Variants in PSAP observed in about 807,000 individuals in gnomAD.
The protein encoded by PSAP is precursor of saposins.
A neutral mutation model predicts 66.0 loss-of-function variants in PSAP; 25 were observed. The observed-to-expected ratio is 0.38, with a 90% CI of 0.28 to 0.53. The LOEUF (loss-of-function observed/expected upper bound fraction) is 0.53. PSAP is among the 20% of genes least tolerant of loss of function. The pLI, the probability that PSAP is intolerant of heterozygous loss-of-function variation, is 0.83. For synonymous variants in PSAP, 273 were observed against 258.9 expected, an observed-to-expected ratio of 1.05 and a Z score of -0.52; for missense variants, 649 against 668.8, an observed-to-expected ratio of 0.97 and a Z score of 0.33.
rs1564815549 is a variant in PSAP at position 71,819,884 on chromosome 10, G to A, written c.1022C>T (p.Ala341Val). The stretch of plus-strand genomic sequence containing the variant: ...CAGCTTCGAGCACATTTTGTCAAAA[G>A]CGTCGAGTATTTCTTTCTGAAACAC... Reference protein sequence around the residue: ...NNKTEKEILDAFDKMCSKLPK... With the variant: ...NNKTEKEILDVFDKMCSKLPK... The change falls in exon 10 of 14, where the codon GCT (alanine) becomes GTT (valine). Residue 341 changes from alanine (A) to valine (V), a missense_variant. Coordinates refer to ENST00000394936, the MANE Select transcript of PSAP (RefSeq NM_002778.4). The A allele has an allele frequency of 1.2e-6, 2 of 1,614,166 alleles. No homozygotes were observed. Among genetic ancestry groups the A allele is most frequent in the East Asian group, 4.5e-5 (2 of 44,882 alleles).
intron 2 of PSAP, 26 bp downstream of exon 2, chr10:71,834,346 T>C: frequency 6.2e-7 from 1 of 1,613,006 alleles, no homozygotes; most frequent in Non-Finnish European, 8.5e-7. Context: ...GTGCTGCGGC[T>C]GGGACTGGAG....
intron 8 of PSAP, 53 bp from the exon 9 acceptor site, chr10:71,820,388 G>A (rs1478791147): frequency 4.7e-6 from 7 of 1,487,100 alleles, no homozygotes; most frequent in African/African-American, 1.4e-5. Flanking sequence ...CACAGCCCTT[G>A]GTCTTGCTCC....
At chr10:71,850,988 C>A (rs1842917192) in intron 1 of PSAP, among the ~76,000 whole-genome samples, 194 bp downstream of exon 1, 2 of 152,246 alleles carry the variant, frequency 1.3e-5, no homozygotes, top group African/African-American at 2.4e-5. Context: ...GGGGCATTTT[C>A]GCAGCCCGCC....
intron 5 of PSAP, among the ~76,000 whole-genome samples, chr10:71,828,656 A>T (rs570121733): frequency 6.6e-6 from 1 of 152,054 alleles, no homozygotes; most frequent in African/African-American, 2.4e-5. Flanking sequence ...AAAATAAAAG[A>T]AGTAAATTTT....
At chr10:71,831,382 G>T in intron 3 of PSAP, 131 bp from the exon 4 acceptor site, 1 of 1,214,084 alleles carries the variant, frequency 8.2e-7, no homozygotes. Flanking sequence ...CAGGGAAAAG[G>T]ACTTGGCCAT....
rs768629606 is a variant in PSAP at position 71,819,694 on chromosome 10, G to A, written c.1192+20C>T. 1.1e-5 allele frequency: 17 copies of A among 1,613,818 alleles called. No individual in the cohort carries two copies. The highest frequency in any genetic ancestry group is 1.7e-5 in the Admixed American group (1 of 60,002). On this transcript the variant is annotated intron_variant, in intron 10 of 13. Coordinates refer to ENST00000394936, the MANE Select transcript of PSAP (RefSeq NM_002778.4). Reference sequence around the variant, plus strand: ...CCCAAGAGGGGCACCATCCTCTCCCGCACCACACCCAGCGCTCACCGGTCA... The same window carrying A: ...CCCAAGAGGGGCACCATCCTCTCCCACACCACACCCAGCGCTCACCGGTCA...
intron 1 of PSAP, among the ~76,000 whole-genome samples, chr10:71,848,524 C>T (rs192941286): frequency 1.6e-4 from 25 of 152,190 alleles, no homozygotes; most frequent in Admixed American, 2.6e-4. Context: ...GCTTTGCTTT[C>T]GCTTTTAGGT....
intron 1 of PSAP, among the ~76,000 whole-genome samples, chr10:71,839,001 C>G (rs1298287537): frequency 1.3e-5 from 2 of 152,186 alleles, no homozygotes; most frequent in Non-Finnish European, 2.9e-5. Flanking sequence ...TGAGTTATTT[C>G]TCAAAACATG....
At position 71,819,594 on chromosome 10, in the gene PSAP, GCCA is replaced by G. The variant is rs1010069019; in HGVS notation, c.1218_1220del (p.Gly407del). The G allele has an allele frequency of 4.3e-6, 7 of 1,614,110 alleles. No individual in the cohort carries two copies. In the African/African-American group the frequency reaches 9.3e-5, roughly 22 times the overall value. On this transcript the variant is annotated inframe_deletion, in exon 11 of 14. Coordinates refer to ENST00000394936, the MANE Select transcript of PSAP (RefSeq NM_002778.4). ...CCAGCTTCTTGCACACTTCGCAGAA[GCCA>G]CCGTCCTTTGGCTGAGTCACGTGAA...
At position 71,820,096 on chromosome 10, in the gene PSAP, G is replaced by A; in HGVS notation, c.1005+144C>T. 4 of 913,508 alleles carry A rather than the reference G, an allele frequency of 4.4e-6. No homozygotes were observed. The South Asian group carries it at 5.4e-5, about 12-fold the overall frequency. The allele number at this position is 913,508 out of a possible 1,614,324, so 56.6% of individuals were successfully genotyped here. ...CCGCCAGCCTAGAGGTCCCACTGGT[G>A]AGGATTGCCTTCCACGAGATGGGGA... On this transcript the variant is annotated intron_variant, in intron 9 of 13. Transcript: ENST00000394936.
chr10:71,830,224 T>C (rs1274125865), intron 4 of PSAP, among the ~76,000 whole-genome samples: 1 of 152,124 alleles, frequency 6.6e-6, no homozygotes, highest in Non-Finnish European at 1.5e-5. Context: ...TTTTAGCAAA[T>C]AACTCCACCT....
intron 1 of PSAP, among the ~76,000 whole-genome samples, chr10:71,842,810 T>C (rs1414327216): frequency 2.0e-5 from 3 of 152,192 alleles, no homozygotes; most frequent in Non-Finnish European, 2.9e-5. Context: ...AAGTCACTCT[T>C]AATTTCATAA....
intron 2 of PSAP, among the ~76,000 whole-genome samples, chr10:71,834,048 G>T (rs2133052371): frequency 6.6e-6 from 1 of 152,318 alleles, no homozygotes; most frequent in Middle Eastern, 3.4e-3. Context: ...CTTATCTAAG[G>T]TGAGAAGTGG....
At chr10:71,837,857 G>A (rs1265971628) in intron 1 of PSAP, among the ~76,000 whole-genome samples, 1 of 152,256 alleles carries the variant, frequency 6.6e-6, no homozygotes, top group East Asian at 1.9e-4. Context: ...GTTCTCTGTG[G>A]GGAAGGGAAG....
At chr10:71,823,666 C>A (rs1842346803) in intron 7 of PSAP, among the ~76,000 whole-genome samples, 1 of 152,162 alleles carries the variant, frequency 6.6e-6, no homozygotes. Context: ...CTTCATTTTA[C>A]TGGACCCCGA....
Position 71,828,053 on chromosome 10 carries a change from C to T in PSAP, c.681G>A (p.Lys227=). 6.2e-7 allele frequency: 1 copy of T among 1,614,172 alleles called. No homozygotes were observed. Among genetic ancestry groups the T allele is most frequent in the African/African-American group, 1.3e-5 (1 of 75,032 alleles). ...CAGGGCCCAGGCGGTCACACTCCTC[C>T]TTGACATGTTCCACCAAGGCCTGGA... ...TFVQALVEHV[K]EECDRLGPGM... The change falls in exon 6 of 14, where the codon AAG becomes AAA. Residue 227 remains lysine, a synonymous_variant. Coordinates refer to ENST00000394936, the MANE Select transcript of PSAP (RefSeq NM_002778.4).
At chr10:71,846,286 C>A (rs1027554708) in intron 1 of PSAP, among the ~76,000 whole-genome samples, 1 of 152,044 alleles carries the variant, frequency 6.6e-6, no homozygotes, top group Non-Finnish European at 1.5e-5. Context: ...ATCATCTTGT[C>A]CCAACATACA....
chr10:71,819,736 G>C lies in PSAP; in HGVS notation c.1170C>G (p.Gly390=). ...CACCGGTCAGTGCAGGCAGCCGCGT[G>C]CCAGAGCAGAGGTGCAGCATGCTGC... is the stretch of plus-strand genomic sequence containing the variant. ...LVCSMLHLCS[G]TRLPALTVHV... Residue 390 remains glycine (G), a synonymous_variant, in exon 10 of 14, where the codon GGC becomes GGG. Transcript: ENST00000394936. The C allele has an allele frequency of 6.2e-7, 1 of 1,614,090 alleles. No homozygotes were observed. Among genetic ancestry groups the C allele is most frequent in the Non-Finnish European group, 8.5e-7 (1 of 1,180,032 alleles).
At chr10:71,823,088 G>A (rs1842337130) in intron 7 of PSAP, among the ~76,000 whole-genome samples, 1 of 151,250 alleles carries the variant, frequency 6.6e-6, no homozygotes, top group African/African-American at 2.4e-5. Flanking sequence ...AACTCCTTGA[G>A]GAGGCCTAGG....
Sources: allele counts gnomAD v4.1 joint callset (sites outside exome capture counted in the v4.1 genomes callset), GRCh38; gene constraint gnomAD v4.1.1; transcripts MANE v1.5; gene names NCBI Gene and HGNC (gene_info 2026-07-23, HGNC 2026-07-21).